The following HPSE2 variants were observed in gnomAD, a reference collection of about 807,000 sequenced individuals.
The protein encoded by HPSE2 is heparanase 2 (inactive), also known as inactive heparanase-2.
HPSE2 carries 38 observed loss-of-function variants against 60.5 expected under a neutral mutation model. The observed-to-expected ratio is 0.63, with a 90% CI of 0.48 to 0.82. The LOEUF is 0.82. HPSE2 is among the 40% of genes least tolerant of loss of function. The pLI, the probability that HPSE2 is intolerant of heterozygous loss-of-function variation, is 0.00. For synonymous variants in HPSE2, 295 were observed against 293.2 expected, an observed-to-expected ratio of 1.01 and a Z score of -0.06; for missense variants, 713 against 740.4, an observed-to-expected ratio of 0.96 and a Z score of 0.43.
chr10:98,770,562 C>A (rs971638990), intron 3 of HPSE2, among the ~76,000 whole-genome samples: 1 of 152,148 alleles, frequency 6.6e-6, no homozygotes, highest in South Asian at 2.1e-4. Context: ...ACTCTTCCTG[C>A]AGATAATTTT....
At chr10:98,868,011 G>A (rs890555792) in intron 3 of HPSE2, among the ~76,000 whole-genome samples, 4 of 151,580 alleles carry the variant, frequency 2.6e-5, no homozygotes, top group Non-Finnish European at 4.4e-5. Context: ...GCAGTGAGCC[G>A]AGATCGTGCC....
chr10:98,535,471 T>C (rs1254958442), intron 9 of HPSE2, among the ~76,000 whole-genome samples: 1 of 152,160 alleles, frequency 6.6e-6, no homozygotes, highest in African/African-American at 2.4e-5. Context: ...CATGGACTCC[T>C]CTCTTGCCAG....
At chr10:98,946,751 T>C (rs1955196178) in intron 3 of HPSE2, among the ~76,000 whole-genome samples, 1 of 152,258 alleles carries the variant, frequency 6.6e-6, no homozygotes, top group Admixed American at 6.5e-5. Context: ...AAAGAGGCAG[T>C]ATTAAGCCAT....
At chr10:99,241,684 G>A in the HPSE2 span, among the ~76,000 whole-genome samples, 1 of 152,084 alleles carries the variant, frequency 6.6e-6, no homozygotes, top group South Asian at 2.1e-4. Flanking sequence ...ACTAAAGCCC[G>A]GGAGTTCAAG....
Position 98,995,960 on chromosome 10 carries a change from A to G in HPSE2, c.610+148278T>C, listed in dbSNP as rs911656715. Reference sequence around the variant, plus strand: ...CTGGACTGGATCCTAGAACCAAAAAAAGACATTGGTAAAAACTAAGGAAAC... The same window carrying G: ...CTGGACTGGATCCTAGAACCAAAAAGAGACATTGGTAAAAACTAAGGAAAC... On this transcript the variant is annotated intron_variant, in intron 3 of 11. Coordinates refer to ENST00000370552, the MANE Select transcript of HPSE2 (RefSeq NM_021828.5). Among the ~76,000 whole-genome samples the G allele has an allele frequency of 5.3e-5, 8 of 152,282 alleles. No homozygotes were observed. In the South Asian group the frequency reaches 1.7e-3, roughly 32 times the overall value.
Position 98,482,513 on chromosome 10 carries a change from C to G in HPSE2, c.1613+123G>C. The G allele has an allele frequency of 1.4e-5, 17 of 1,234,592 alleles. No individual in the cohort carries two copies. The South Asian group carries it at 1.9e-4, about 14-fold the overall frequency. 76.5% of individuals were successfully genotyped at this position (1,234,592 alleles called of 1,614,324 possible). On this transcript the variant is annotated intron_variant, in intron 11 of 11. Coordinates refer to ENST00000370552, the MANE Select transcript of HPSE2 (RefSeq NM_021828.5). ...AGCAGTCACCTGACCCCAGACCGCT[C>G]TTTGTCCTACTCCATCCCACTGAGC...
chr10:99,094,336 A>G (rs1843622902), intron 3 of HPSE2, among the ~76,000 whole-genome samples: 1 of 151,356 alleles, frequency 6.6e-6, no homozygotes, highest in Non-Finnish European at 1.5e-5. Context: ...TGCAGAAAAT[A>G]CTCCATGGAG....
chr10:98,839,252 C>T (rs1173638298), intron 3 of HPSE2, among the ~76,000 whole-genome samples: 1 of 152,062 alleles, frequency 6.6e-6, no homozygotes, highest in Non-Finnish European at 1.5e-5. Context: ...TGACCGGTAA[C>T]CAAACCTACA....
chr10:98,872,373 T>C (rs528777652), intron 3 of HPSE2, among the ~76,000 whole-genome samples: 15 of 152,122 alleles, frequency 9.9e-5, no homozygotes, highest in Non-Finnish European at 1.5e-4. Context: ...TACCCAGCAT[T>C]AGCGTGAGGC....
At chr10:98,585,849 G>A (rs940809862) in intron 9 of HPSE2, among the ~76,000 whole-genome samples, 1 of 151,248 alleles carries the variant, frequency 6.6e-6, no homozygotes, top group Non-Finnish European at 1.5e-5. Context: ...CTACTCGGGA[G>A]GCTGAAGCAG....
At chr10:98,469,674 G>A (rs1212525303) in intron 11 of HPSE2, among the ~76,000 whole-genome samples, 1 of 152,140 alleles carries the variant, frequency 6.6e-6, no homozygotes, top group Non-Finnish European at 1.5e-5. Flanking sequence ...TGTGTTTGTG[G>A]CCTTTCCCTT....
intron 9 of HPSE2, among the ~76,000 whole-genome samples, chr10:98,591,548 A>T (rs1945091386): frequency 6.6e-6 from 1 of 152,134 alleles, no homozygotes; most frequent in African/African-American, 2.4e-5. Context: ...CCATAATCCC[A>T]GCTACTTGGG....
At chr10:98,696,264 T>C (rs1948210115) in intron 5 of HPSE2, among the ~76,000 whole-genome samples, 2 of 120,986 alleles carry the variant, frequency 1.7e-5, no homozygotes, top group Non-Finnish European at 1.7e-5. Flanking sequence ...GATAGCCAAC[T>C]AGAAGCAGAG....
chr10:99,166,101 T>C (rs1392962958), intron 2 of HPSE2, among the ~76,000 whole-genome samples: 1 of 151,932 alleles, frequency 6.6e-6, no homozygotes, highest in East Asian at 1.9e-4. Flanking sequence ...CTTTGCAAAA[T>C]GCATTTAGAA....
chr10:98,473,532 G>GAGCA (rs1554911867), intron 11 of HPSE2, among the ~76,000 whole-genome samples: 1 of 139,608 alleles, frequency 7.2e-6, no homozygotes, highest in Admixed American at 7.3e-5. Context: ...AAGAGAGAGA[G>GAGCA]AGAAAGAAAG....
At chr10:99,165,767 G>A (rs1009734376) in intron 2 of HPSE2, among the ~76,000 whole-genome samples, 4 of 151,696 alleles carry the variant, frequency 2.6e-5, no homozygotes, top group Admixed American at 6.6e-5. Context: ...GGCTGGTCTC[G>A]AACTCCTGAC....
chr10:99,232,337 A>C lies in HPSE2; in HGVS notation c.448+11T>G. On this transcript the variant is annotated intron_variant, in intron 2 of 11. Transcript: ENST00000370552. ...GCTCCCCAAATAAAGAATGGTAATC[A>C]AGTTTCTCACCATCCTCATAGTTTT... is the stretch of plus-strand genomic sequence containing the variant. 6.4e-7 allele frequency: 1 copy of C among 1,551,582 alleles called. No individual in the cohort carries two copies. The highest frequency in any genetic ancestry group is 8.7e-7 in the Non-Finnish European group (1 of 1,146,938).
intron 2 of HPSE2, among the ~76,000 whole-genome samples, chr10:99,197,740 T>G (rs1848449202): frequency 6.6e-6 from 1 of 152,114 alleles, no homozygotes; most frequent in African/African-American, 2.4e-5. Flanking sequence ...CACCCGAGCA[T>G]AACACTACTA....
chr10:98,662,221 G>A (rs1589596426), intron 6 of HPSE2, among the ~76,000 whole-genome samples: 1 of 152,146 alleles, frequency 6.6e-6, no homozygotes, highest in South Asian at 2.1e-4. Context: ...ACGACCATTT[G>A]TTGTAGCATT....
Sources: allele counts gnomAD v4.1 joint callset (sites outside exome capture counted in the v4.1 genomes callset), GRCh38; gene constraint gnomAD v4.1.1; transcripts MANE v1.5; gene names NCBI Gene and HGNC (gene_info 2026-07-23, HGNC 2026-07-21).